UBAC1: variants seen among roughly 807,000 people sequenced by gnomAD.
UBAC1 encodes ubiquitin-associated domain-containing protein 1.
In UBAC1, 27 loss-of-function variants were observed where a neutral mutation model predicts 45.9. The ratio of observed to expected loss-of-function variants is 0.59; its 90% CI spans 0.43 to 0.81. The LOEUF is 0.81. Ranked by LOEUF, UBAC1 falls within the 30% of genes least tolerant of loss-of-function variation. The pLI, the probability that UBAC1 is intolerant of heterozygous loss-of-function variation, is 0.00. For synonymous variants in UBAC1, 227 were observed against 215.5 expected (o/e 1.05, Z -0.47); for missense variants, 529 against 539.2 (o/e 0.98, Z 0.19).
At chr9:135,938,017 C>T (rs1241903677) in intron 9 of UBAC1, among the ~76,000 whole-genome samples, 5 of 152,308 alleles carry the variant, frequency 3.3e-5, no homozygotes, top group Middle Eastern at 3.4e-3. Context: ...AGTCACACCA[C>T]GATCAGAACC....
chr9:135,952,619 C>T (rs1445203921), intron 3 of UBAC1, among the ~76,000 whole-genome samples: 1 of 152,252 alleles, frequency 6.6e-6, no homozygotes, highest in Non-Finnish European at 1.5e-5. Flanking sequence ...AATGTAAACA[C>T]CAACGACATC....
rs147510380 is a variant in UBAC1, at chr9:135,955,955, G to T, written c.139-540C>A. On this transcript the variant is annotated intron_variant, in intron 1 of 9. Coordinates refer to ENST00000371756, the MANE Select transcript of UBAC1 (RefSeq NM_016172.3). ...ACAGCCATGCTGCATCCCGAGATTG[G>T]GATAAGAGGGGCACTTAGCATGACT... Among the ~76,000 whole-genome samples the T allele has an allele frequency of 5.6e-4, 86 of 152,328 alleles. No individual in the cohort carries two copies. The East Asian group carries it at 0.013, about 23-fold the overall frequency.
At chr9:135,938,536 C>G (rs905478030) in intron 8 of UBAC1, among the ~76,000 whole-genome samples, 176 bp from the exon 9 acceptor site, 1 of 152,370 alleles carries the variant, frequency 6.6e-6, no homozygotes, top group African/African-American at 2.4e-5. Flanking sequence ...GATTCACTGC[C>G]GTGCGTGTCA....
intron 3 of UBAC1, 21 bp from the exon 4 acceptor site, chr9:135,947,926 A>G (rs763915734): frequency 5.0e-6 from 8 of 1,608,578 alleles, no homozygotes; most frequent in South Asian, 3.3e-5. Flanking sequence ...ACGTAATCAG[A>G]AAGTCTGAGG....
At chr9:135,938,549 C>A (rs1374601229) in intron 8 of UBAC1, among the ~76,000 whole-genome samples, 189 bp from the exon 9 acceptor site, 3 of 152,284 alleles carry the variant, frequency 2.0e-5, no homozygotes, top group African/African-American at 7.2e-5. Flanking sequence ...GCGTGTCAGA[C>A]CAGGCCAGAG....
chr9:135,960,381 C>T (rs10858190), intron 1 of UBAC1, among the ~76,000 whole-genome samples: 29,346 of 152,110 alleles, frequency 0.19, 3,486 homozygotes, highest in Non-Finnish European at 0.27. Flanking sequence ...TCTCTCTTGA[C>T]CAATTTTACC....
At chr9:135,942,372 A>G (rs1839280336) in intron 7 of UBAC1, 1 of 152,252 alleles carries the variant, frequency 6.6e-6, no homozygotes, top group Non-Finnish European at 1.5e-5. Context: ...CTTTTAGGTT[A>G]GGCACAATGG....
At chr9:135,956,522 G>T (rs1041329084) in intron 1 of UBAC1, among the ~76,000 whole-genome samples, 1 of 152,068 alleles carries the variant, frequency 6.6e-6, no homozygotes, top group Admixed American at 6.5e-5. Flanking sequence ...TGCCCAAGTC[G>T]GTCCAGAGCT....
rs372524004 is a variant in UBAC1, at chr9:135,959,357, A to G, written c.138+1668T>C. ...ACAGCAGCACCTCAGAGAAGTTTCTAGGGTTTTTTGTCTGGTTTTTTTTTT... is the reference window on the plus strand; with the variant it reads ...ACAGCAGCACCTCAGAGAAGTTTCTGGGGTTTTTTGTCTGGTTTTTTTTTT... On this transcript the variant is annotated intron_variant, in intron 1 of 9. Transcript: ENST00000371756. Among the ~76,000 whole-genome samples the G allele has an allele frequency of 5.1e-3, 740 of 144,024 alleles. 8 individuals are homozygous for G. The highest frequency in any genetic ancestry group is 0.017 in the African/African-American group (682 of 39,094). The allele number at this position is 144,024 out of a possible 152,430, so 94.5% of individuals were successfully genotyped here.
rs769474421 is a variant in UBAC1, at chr9:135,960,980, G to A, written c.138+45C>T. The A allele has an allele frequency of 4.1e-6, 6 of 1,457,020 alleles. No individual in the cohort carries two copies. The East Asian group carries it at 8.6e-5, about 21-fold the overall frequency. 90.3% of individuals were successfully genotyped at this position (1,457,020 alleles called of 1,614,324 possible). On this transcript the variant is annotated intron_variant, in intron 1 of 9. Transcript: ENST00000371756. ...CTGAGGCGGGGTCCGCAGTCGGAGG[G>A]GTCCGGAGCGGGTGTTGGGGGCAGG... is the stretch of plus-strand genomic sequence containing the variant.
rs1293086323 is a variant in UBAC1, at chr9:135,943,203, TG to T, written c.876+1824del. Among the ~76,000 whole-genome samples the T allele has an allele frequency of 3.9e-5, 6 of 152,252 alleles. 1 individual carries two copies. The highest frequency in any genetic ancestry group is 1.4e-4 in the African/African-American group (6 of 41,544). On this transcript the variant is annotated intron_variant, in intron 7 of 9. Transcript: ENST00000371756. ...GGGAGGCCGAGGCGGGCAGATCGCT[TG>T]AGGTCAGGAGTTTGAGACGAGCCTG...
chr9:135,951,822 A>G (rs1464437554), intron 3 of UBAC1, among the ~76,000 whole-genome samples: 17 of 152,090 alleles, frequency 1.1e-4, no homozygotes, highest in Non-Finnish European at 1.9e-4. Flanking sequence ...AAAATAATAA[A>G]ATAATAATAA....
At position 135,945,079 on chromosome 9, in the gene UBAC1, C is replaced by T. The variant is rs774835102; in HGVS notation, c.825G>A (p.Thr275=). The T allele has an allele frequency of 1.2e-5, 19 of 1,611,332 alleles. No individual in the cohort carries two copies. Among genetic ancestry groups the T allele is most frequent in the South Asian group, 3.3e-5 (3 of 90,852 alleles). Residue 275 remains threonine, a synonymous_variant, in exon 7 of 10, where the codon ACG becomes ACA. Coordinates refer to ENST00000371756, the MANE Select transcript of UBAC1 (RefSeq NM_016172.3). The part of the protein sequence containing the change: ...ATDEEARDEL[T]EIFKKIRRKR... ...TCCTCCGGATCTTCTTGAAGATTTC[C>T]GTCAGCTCATCTCTGGCCTCCTCAT...
chr9:135,949,566 G>A (rs895297914), intron 3 of UBAC1, among the ~76,000 whole-genome samples: 6 of 152,236 alleles, frequency 3.9e-5, no homozygotes, highest in African/African-American at 1.4e-4. Flanking sequence ...GCTGCCTCAC[G>A]TACTGCATAC....
At chr9:135,946,903 C>G (rs1468078746) in intron 4 of UBAC1, among the ~76,000 whole-genome samples, 1 of 152,244 alleles carries the variant, frequency 6.6e-6, no homozygotes, top group Admixed American at 6.5e-5. Flanking sequence ...TACTCTCACA[C>G]AAGTGTGAGC....
At chr9:135,937,433 T>G (rs921112276) in intron 9 of UBAC1, among the ~76,000 whole-genome samples, 7 of 106,616 alleles carry the variant, frequency 6.6e-5, no homozygotes, top group African/African-American at 2.5e-4. Flanking sequence ...AAGGCGAGAC[T>G]CTGTCTCAAA....
intron 4 of UBAC1, 58 bp downstream of exon 4, chr9:135,947,740 C>A (rs1839354346): frequency 1.4e-6 from 2 of 1,451,876 alleles, no homozygotes; most frequent in East Asian, 2.3e-5. Flanking sequence ...AACCCCCCCA[C>A]AGCAATCCCC....
intron 6 of UBAC1, 45 bp downstream of exon 6, chr9:135,945,844 G>A: frequency 1.3e-6 from 2 of 1,543,536 alleles, no homozygotes; most frequent in Non-Finnish European, 1.8e-6. Flanking sequence ...ACAAAACCAG[G>A]CCCCAGGTGT....
At chr9:135,943,536 G>C (rs1228381353) in intron 7 of UBAC1, among the ~76,000 whole-genome samples, 3 of 152,180 alleles carry the variant, frequency 2.0e-5, no homozygotes, top group African/African-American at 7.2e-5. Context: ...AACCACTGTG[G>C]AAGACATGTG....
Sources: gnomAD v4.1 joint callset for allele counts (sites outside exome capture counted in the v4.1 genomes callset) on GRCh38, gnomAD v4.1.1 for gene constraint, MANE v1.5 for transcripts, NCBI Gene and HGNC (gene_info 2026-07-23, HGNC 2026-07-21) for gene names.